The following SLC39A11 variants were observed in gnomAD, a reference collection of about 807,000 sequenced individuals.
SLC39A11 encodes the protein solute carrier family 39 member 11, also known as zinc transporter ZIP11.
In SLC39A11, 33 loss-of-function variants were observed where a neutral mutation model predicts 36.1. That is an observed-to-expected ratio of 0.91 (90% CI 0.69 to 1.22). The LOEUF is 1.22. SLC39A11 is among the 50% of genes most tolerant of loss of function. The pLI is 0.00. For synonymous variants in SLC39A11, 166 were observed against 170.3 expected (o/e 0.97, Z 0.20); for missense variants, 432 against 430.3 (o/e 1.00, Z -0.03).
rs555891372 is a variant in SLC39A11 at position 72,802,576 on chromosome 17, G to T, written c.601+47058C>A. On this transcript the variant is annotated intron_variant, in intron 6 of 9. Coordinates refer to ENST00000255559, the MANE Select transcript of SLC39A11 (RefSeq NM_139177.4). ...TCACATTCCAGCCTGGACCACAAGA[G>T]TGAAACTCCATCTCAAAAAAAAAAA... 1.5e-4 allele frequency among the ~76,000 whole-genome samples: 21 copies of T among 141,174 alleles called. No individual in the cohort carries two copies. In the East Asian group the frequency reaches 2.9e-3, roughly 19 times the overall value. 92.6% of individuals were successfully genotyped at this position (141,174 alleles called of 152,430 possible).
intron 5 of SLC39A11, among the ~76,000 whole-genome samples, chr17:72,933,089 T>C (rs980672377): frequency 5.3e-5 from 8 of 152,188 alleles, no homozygotes; most frequent in African/African-American, 1.9e-4. Flanking sequence ...TCTTAGCCAG[T>C]ACAATCAGGT....
intron 5 of SLC39A11, among the ~76,000 whole-genome samples, chr17:72,880,864 G>T (rs972889771): frequency 2.3e-4 from 34 of 149,794 alleles, no homozygotes; most frequent in Non-Finnish European, 4.3e-4. Context: ...TGTATTTTTA[G>T]TAGAGACAGG....
intron 4 of SLC39A11, among the ~76,000 whole-genome samples, chr17:72,994,467 G>A (rs920555020): frequency 6.6e-6 from 1 of 152,188 alleles, no homozygotes; most frequent in Non-Finnish European, 1.5e-5. Flanking sequence ...AGTAGCAACA[G>A]GGATTGATCA....
At chr17:73,045,306 G>A (rs548919067) in intron 3 of SLC39A11, among the ~76,000 whole-genome samples, 1 of 139,170 alleles carries the variant, frequency 7.2e-6, no homozygotes, top group East Asian at 2.3e-4. Context: ...ATACAGCAAG[G>A]CAACCATCCA....
chr17:73,005,739 G>A (rs528825658), intron 4 of SLC39A11, among the ~76,000 whole-genome samples: 111 of 152,288 alleles, frequency 7.3e-4, no homozygotes, highest in African/African-American at 2.4e-3. Context: ...ACGAAGTCAG[G>A]AGATCAAGAC....
intron 4 of SLC39A11, among the ~76,000 whole-genome samples, chr17:72,981,501 T>A (rs1325894757): frequency 6.6e-6 from 1 of 151,884 alleles, no homozygotes; most frequent in South Asian, 2.1e-4. Flanking sequence ...CATTTTAATC[T>A]CTATCTCACT....
intron 4 of SLC39A11, among the ~76,000 whole-genome samples, chr17:73,024,801 G>C (rs531481671): frequency 1.3e-5 from 2 of 150,956 alleles, no homozygotes; most frequent in South Asian, 4.2e-4. Flanking sequence ...AGGTTCAAGG[G>C]ATTCTGCTGC....
chr17:72,888,257 T>C (rs2081538142), intron 5 of SLC39A11, among the ~76,000 whole-genome samples: 1 of 152,224 alleles, frequency 6.6e-6, no homozygotes, highest in Non-Finnish European at 1.5e-5. Context: ...TATAAGAAGC[T>C]TGAAGATGTA....
At chr17:72,922,314 C>T (rs1241766875) in intron 5 of SLC39A11, among the ~76,000 whole-genome samples, 2 of 152,194 alleles carry the variant, frequency 1.3e-5, no homozygotes, top group Non-Finnish European at 1.5e-5. Context: ...TTTATAGCTC[C>T]CTCTCACTTC....
chr17:72,700,032 G>GTTCCTTTTTTTTTTTTTTTTT (rs1457316442), intron 7 of SLC39A11, among the ~76,000 whole-genome samples: 4 of 152,094 alleles, frequency 2.6e-5, no homozygotes, highest in Admixed American at 6.5e-5. Flanking sequence ...TAGATCAGGG[G>GTTCCTTTTTTTTTTTTTTTTT]TTTCTGCAAG....
chr17:73,069,298 T>C (rs2060090027), intron 3 of SLC39A11, among the ~76,000 whole-genome samples: 1 of 152,228 alleles, frequency 6.6e-6, no homozygotes. Context: ...CGCCTCATAA[T>C]GACAGGCAAA....
intron 6 of SLC39A11, among the ~76,000 whole-genome samples, chr17:72,764,694 G>A (rs2075705718): frequency 6.6e-6 from 1 of 152,202 alleles, no homozygotes; most frequent in Non-Finnish European, 1.5e-5. Context: ...TCGAAGTCCT[G>A]TGCTCCCAGC....
rs771180987 is a variant in SLC39A11, at chr17:72,896,192, C to CTTTTT, written c.431-46393_431-46389dup. ...CATTTGGGGATTGTTCACATTAATCCTTTTTTTTTTTTTTTTTTTTTTTTT... is the reference window on the plus strand; with the variant it reads ...CATTTGGGGATTGTTCACATTAATCCTTTTTTTTTTTTTTTTTTTTTTTTTTTTTT... On this transcript the variant is annotated intron_variant, in intron 5 of 9. Transcript: ENST00000255559. 3.6e-4 allele frequency among the ~76,000 whole-genome samples: 27 copies of CTTTTT among 74,556 alleles called. 1 individual carries two copies. Among genetic ancestry groups the CTTTTT allele is most frequent in the African/African-American group, 1.1e-3 (18 of 16,372 alleles). 48.9% of individuals were successfully genotyped at this position (74,556 alleles called of 152,430 possible).
chr17:72,854,921 T>G (rs949492469), intron 5 of SLC39A11, among the ~76,000 whole-genome samples: 1 of 152,166 alleles, frequency 6.6e-6, no homozygotes, highest in African/African-American at 2.4e-5. Context: ...AAGGACATGA[T>G]TGTGGCCACA....
At chr17:72,865,283 T>C (rs2080241931) in intron 5 of SLC39A11, among the ~76,000 whole-genome samples, 1 of 151,658 alleles carries the variant, frequency 6.6e-6, no homozygotes, top group African/African-American at 2.4e-5. Context: ...ATTTTACAAA[T>C]GCAAGATTCA....
intron 6 of SLC39A11, among the ~76,000 whole-genome samples, chr17:72,802,930 G>T (rs935110362): frequency 6.6e-6 from 1 of 152,210 alleles, no homozygotes; most frequent in Admixed American, 6.5e-5. Flanking sequence ...CGTCCATGGA[G>T]TCCCTCTGCC....
At chr17:73,038,360 T>C (rs1413675907) in intron 3 of SLC39A11, among the ~76,000 whole-genome samples, 2 of 151,936 alleles carry the variant, frequency 1.3e-5, no homozygotes, top group Non-Finnish European at 2.9e-5. Flanking sequence ...GGCTCAGAAG[T>C]CTCAATGCTG....
At chr17:72,867,440 C>T (rs776221354) in intron 5 of SLC39A11, among the ~76,000 whole-genome samples, 2 of 152,132 alleles carry the variant, frequency 1.3e-5, no homozygotes, top group Non-Finnish European at 2.9e-5. Context: ...GCGGAGGTTG[C>T]GGTGAGCTGA....
intron 4 of SLC39A11, among the ~76,000 whole-genome samples, chr17:72,950,705 CA>C: frequency 1.3e-5 from 2 of 152,286 alleles, no homozygotes; most frequent in South Asian, 4.2e-4. Flanking sequence ...AGAAATGCCG[CA>C]GCATTAATAC....
Sources: allele counts gnomAD v4.1 joint callset (sites outside exome capture counted in the v4.1 genomes callset), GRCh38; gene constraint gnomAD v4.1.1; transcripts MANE v1.5; gene names NCBI Gene and HGNC (gene_info 2026-07-23, HGNC 2026-07-21).